Variants in PUS10 observed in about 807,000 individuals in gnomAD.
PUS10 encodes the protein pseudouridine synthase 10, also known as tRNA pseudouridine synthase Pus10.
Under a neutral mutation model 75.0 loss-of-function variants are expected in PUS10, and 59 were observed. The ratio of observed to expected loss-of-function variants is 0.79; its 90% CI spans 0.64 to 0.98. The LOEUF (loss-of-function observed/expected upper bound fraction) is 0.98, where lower values mean the gene tolerates loss of function less well. PUS10 is among the 50% of genes least tolerant of loss of function. The probability of loss-of-function intolerance (pLI) is 0.00; values close to 1 mark genes in which losing one functional copy is unlikely to be tolerated. For synonymous variants in PUS10, 219 were observed against 211.6 expected, an observed-to-expected ratio of 1.03 and a Z score of -0.30; for missense variants, 650 against 614.4, an observed-to-expected ratio of 1.06 and a Z score of -0.61.
chr2:61,017,539 T>C, intron 1 of PUS10: 1 of 527,406 alleles, frequency 1.9e-6, no homozygotes, highest in East Asian at 3.1e-5. Context: ...GGCAGCTCTT[T>C]CTGGGGCAAA....
chr2:60,952,578 C>G (rs1302203512), intron 15 of PUS10, among the ~76,000 whole-genome samples: 3 of 152,050 alleles, frequency 2.0e-5, no homozygotes, highest in Admixed American at 6.6e-5. Flanking sequence ...TGACAAATGA[C>G]CAAAGATAAT....
chr2:60,951,202 G>A (rs796535157), intron 15 of PUS10, among the ~76,000 whole-genome samples: 17 of 152,048 alleles, frequency 1.1e-4, no homozygotes, highest in African/African-American at 4.1e-4. Flanking sequence ...TCCTCTATAT[G>A]TGTATACATA....
intron 3 of PUS10, among the ~76,000 whole-genome samples, chr2:61,006,997 A>T (rs1365868686): frequency 2.0e-5 from 3 of 152,180 alleles, no homozygotes; most frequent in Admixed American, 1.3e-4. Context: ...TCAATCATTT[A>T]CCTTCTACAA....
chr2:60,965,465 A>G lies in PUS10; in HGVS notation c.635T>C (p.Val212Ala). 1 of 1,609,270 alleles carries G rather than the reference A, an allele frequency of 6.2e-7. No individual in the cohort carries two copies. The highest frequency in any genetic ancestry group is 8.5e-7 in the Non-Finnish European group (1 of 1,178,542). ...AACTGTTTCTGGGTGAGCAAAGACC[A>G]CACTCACTTCAAACAAGCTCTAAAA... ...IDGKSLFEVS[V>A]VFAHPETVED... The change falls in exon 7 of 18, where the codon GTG becomes GCG. Residue 212 changes from valine to alanine, a missense_variant. Val to Ala is a moderately conservative substitution (Grantham distance 64). Coordinates refer to ENST00000316752, the MANE Select transcript of PUS10 (RefSeq NM_144709.4).
intron 4 of PUS10, among the ~76,000 whole-genome samples, chr2:60,973,156 C>T (rs1174645218): frequency 6.6e-6 from 1 of 152,224 alleles, no homozygotes; most frequent in African/African-American, 2.4e-5. Context: ...TCCCCATCAC[C>T]ATCTCAGGGG....
chr2:61,015,557 T>C (rs1679914811), intron 1 of PUS10, among the ~76,000 whole-genome samples: 1 of 151,834 alleles, frequency 6.6e-6, no homozygotes, highest in African/African-American at 2.4e-5. Context: ...AAATTAGCCA[T>C]GCGTGGTGGC....
intron 1 of PUS10, among the ~76,000 whole-genome samples, chr2:61,013,380 GCT>G (rs1679757655): frequency 6.6e-6 from 1 of 152,150 alleles, no homozygotes; most frequent in African/African-American, 2.4e-5. Context: ...AGGAATGCAT[GCT>G]CTGAGAGGCC....
chr2:60,993,624 T>C (rs954690595), intron 4 of PUS10, among the ~76,000 whole-genome samples: 8 of 152,160 alleles, frequency 5.3e-5, no homozygotes, highest in African/African-American at 1.9e-4. Flanking sequence ...TTGAATGGTA[T>C]CTAGTCTAGA....
intron 4 of PUS10, among the ~76,000 whole-genome samples, chr2:60,972,526 C>T: frequency 6.6e-6 from 1 of 152,086 alleles, no homozygotes; most frequent in Non-Finnish European, 1.5e-5. Flanking sequence ...TAGTAAGTGA[C>T]TGACACTGAG....
rs189838032 is a variant in PUS10, at chr2:60,999,916, A to G, written c.468+6641T>C. Among the ~76,000 whole-genome samples the G allele has an allele frequency of 4.7e-3, 719 of 152,314 alleles. 1 individual carries two copies. Among genetic ancestry groups the G allele is most frequent in the African/African-American group, 0.017 (697 of 41,570 alleles). On this transcript the variant is annotated intron_variant, in intron 4 of 17. Coordinates refer to ENST00000316752, the MANE Select transcript of PUS10 (RefSeq NM_144709.4). ...ACTATTTACATAGCACCCACATTGT[A>G]GTATATAAGTAATCTTGAGATGATT...
Position 61,011,765 on chromosome 2 carries a change from C to G in PUS10, c.126G>C (p.Lys42Asn). 1 of 1,538,436 alleles carries G rather than the reference C, an allele frequency of 6.5e-7. No homozygotes were observed. Among genetic ancestry groups the G allele is most frequent in the Middle Eastern group, 1.7e-4 (1 of 5,790 alleles). ...AAAAAAAAAAAAGAAAAGAAAATACCTTGTATGGAAGTTTGTAAGGTGCAT... is the reference window on the plus strand; with the variant it reads ...AAAAAAAAAAAAGAAAAGAAAATACGTTGTATGGAAGTTTGTAAGGTGCAT... Reference protein sequence around the residue: ...DFHAPYKLPYKELLNELQKFL... With the variant: ...DFHAPYKLPYNELLNELQKFL... The change falls in exon 2 of 18, where the codon AAG becomes AAC. Residue 42 changes from lysine (K) to asparagine (N), a missense_variant and splice_region_variant. Coordinates refer to ENST00000316752, the MANE Select transcript of PUS10 (RefSeq NM_144709.4).
chr2:60,987,435 A>T (rs927574044), intron 4 of PUS10, among the ~76,000 whole-genome samples: 1 of 152,034 alleles, frequency 6.6e-6, no homozygotes, highest in African/African-American at 2.4e-5. Flanking sequence ...ATAGAAAGTG[A>T]GAGAGAGAGA....
chr2:61,017,368 T>TGCCACCTCAC (rs1208049827), intron 1 of PUS10: 1 of 172,742 alleles, frequency 5.8e-6, no homozygotes, highest in Non-Finnish European at 1.2e-5. Flanking sequence ...CTGCCTGGTT[T>TGCCACCTCAC]GCCACCTCAC....
chr2:60,964,581 A>G (rs1676225321), intron 8 of PUS10, among the ~76,000 whole-genome samples: 1 of 152,216 alleles, frequency 6.6e-6, no homozygotes, highest in South Asian at 2.1e-4. Flanking sequence ...TTGCAAATGT[A>G]GCCAGAAAGA....
intron 4 of PUS10, among the ~76,000 whole-genome samples, chr2:60,982,595 G>T (rs1677467237): frequency 6.6e-6 from 1 of 151,966 alleles, no homozygotes; most frequent in Non-Finnish European, 1.5e-5. Flanking sequence ...AGAAGAAATT[G>T]AAAAAGTAAT....
At chr2:60,955,791 A>G (rs888731461) in intron 11 of PUS10, among the ~76,000 whole-genome samples, 2 of 152,206 alleles carry the variant, frequency 1.3e-5, no homozygotes, top group Non-Finnish European at 2.9e-5. Flanking sequence ...TCCCATGGGA[A>G]CGCCAAGGCA....
At chr2:60,942,582 CCT>C (rs1674685195) in intron 17 of PUS10, 149 bp from the exon 18 acceptor site, 1 of 649,906 alleles carries the variant, frequency 1.5e-6, no homozygotes, top group African/African-American at 1.8e-5. Flanking sequence ...ATAAATTAAC[CCT>C]CAAGTCTGTT....
chr2:60,952,627 T>C (rs1452870112), intron 15 of PUS10, among the ~76,000 whole-genome samples: 1 of 152,226 alleles, frequency 6.6e-6, no homozygotes, highest in African/African-American at 2.4e-5. Context: ...CCAGGTACTG[T>C]TCTAAGTGCT....
intron 1 of PUS10, chr2:61,017,468 G>C (rs548227696): frequency 3.3e-6 from 1 of 298,650 alleles, no homozygotes; most frequent in East Asian, 5.8e-5. Context: ...GGACTCCGAC[G>C]TCTAGGGAGT....
Sources: gnomAD v4.1 joint callset for allele counts (sites outside exome capture counted in the v4.1 genomes callset) on GRCh38, gnomAD v4.1.1 for gene constraint, MANE v1.5 for transcripts, NCBI Gene and HGNC (gene_info 2026-07-23, HGNC 2026-07-21) for gene names.